MAST4: variants seen among roughly 807,000 people sequenced by gnomAD.
MAST4 encodes microtubule-associated serine/threonine-protein kinase 4.
Under a neutral mutation model 162.7 loss-of-function variants are expected in MAST4, and 89 were observed. That is an observed-to-expected ratio of 0.55 (90% CI 0.46 to 0.65). The LOEUF is 0.65. Ranked by LOEUF, MAST4 falls within the 30% of genes least tolerant of loss-of-function variation. MAST4 has a pLI of 0.00. For missense variants in MAST4, 3,153 were observed against 3,374.0 expected, an observed-to-expected ratio of 0.93 and a Z score of 1.62; for synonymous variants, 1,479 against 1,361.1, an observed-to-expected ratio of 1.09 and a Z score of -1.91.
chr5:67,115,696 G>T (rs1766813174), intron 12 of MAST4, among the ~76,000 whole-genome samples: 1 of 152,092 alleles, frequency 6.6e-6, no homozygotes, highest in African/African-American at 2.4e-5. Flanking sequence ...GATGTTTAAT[G>T]GTATTTAGAT....
chr5:66,924,693 T>G (rs1255575135), intron 4 of MAST4, among the ~76,000 whole-genome samples: 1 of 152,168 alleles, frequency 6.6e-6, no homozygotes, highest in African/African-American at 2.4e-5. Flanking sequence ...GCACTGGGCC[T>G]GTAGAAAATA....
chr5:66,860,730 C>A (rs1760043784), intron 3 of MAST4, among the ~76,000 whole-genome samples: 1 of 149,748 alleles, frequency 6.7e-6, no homozygotes, highest in African/African-American at 2.5e-5. Context: ...CAGCACTTCC[C>A]TCCCACCTCT....
In MAST4 at chr5:67,166,219, A is replaced by C. The variant is rs1347365328; in HGVS notation, c.7040A>C (p.Lys2347Thr). 1 of 1,552,268 alleles carries C rather than the reference A, an allele frequency of 6.4e-7. No homozygotes were observed. The highest frequency in any genetic ancestry group is 1.2e-5 in the South Asian group (1 of 84,152). ...STVKDCPTLC[K>T]QTDNRQTDKS... ...GTGAAAGATTGCCCCACCCTGTGCA[A>C]ACAGACAGACAACAGACAGACAGAC... The change falls in exon 29 of 29, where the codon AAA (lysine) becomes ACA (threonine). Residue 2347 changes from lysine (K) to threonine (T), a missense_variant. Physicochemically the swap from Lys to Thr is moderately conservative, Grantham distance 78 (BLOSUM62 -1). Coordinates refer to ENST00000403625, the MANE Select transcript of MAST4 (RefSeq NM_001164664.2).
intron 4 of MAST4, among the ~76,000 whole-genome samples, chr5:67,034,317 G>A (rs192965626): frequency 8.0e-4 from 122 of 152,266 alleles, no homozygotes; most frequent in African/African-American, 2.8e-3. Context: ...AACCTATATG[G>A]AAAAGGCTCA....
intron 3 of MAST4, among the ~76,000 whole-genome samples, chr5:66,819,013 C>T (rs532748121): frequency 2.4e-4 from 36 of 152,246 alleles, no homozygotes; most frequent in African/African-American, 7.2e-4. Flanking sequence ...TGCTAGAAGA[C>T]GGAGTTAATG....
At chr5:66,815,849 G>A (rs1025935779) in intron 3 of MAST4, among the ~76,000 whole-genome samples, 1 of 152,174 alleles carries the variant, frequency 6.6e-6, no homozygotes, top group East Asian at 1.9e-4. Flanking sequence ...CTTACCTGCT[G>A]TCCCAGAGGA....
chr5:66,636,197 C>T (rs1745111702), intron 1 of MAST4, among the ~76,000 whole-genome samples: 1 of 151,978 alleles, frequency 6.6e-6, no homozygotes, highest in South Asian at 2.1e-4. Context: ...ACCTTGTGAT[C>T]TGCCTGCCTC....
chr5:66,765,866 G>A (rs138279562), intron 2 of MAST4, among the ~76,000 whole-genome samples: 12 of 152,184 alleles, frequency 7.9e-5, no homozygotes, highest in African/African-American at 2.4e-4. Context: ...TTTTTGCAGG[G>A]CTGGCATTTA....
chr5:66,597,800 CTG>C (rs1742298591), intron 1 of MAST4, among the ~76,000 whole-genome samples: 1 of 152,086 alleles, frequency 6.6e-6, no homozygotes, highest in Admixed American at 6.5e-5. Flanking sequence ...GCATAGGACT[CTG>C]GTGTCCTTCT....
chr5:66,888,289 T>C (rs558187305), intron 3 of MAST4, among the ~76,000 whole-genome samples: 1 of 152,280 alleles, frequency 6.6e-6, no homozygotes, highest in African/African-American at 2.4e-5. Context: ...ATATTTTAAG[T>C]GTTGTTTTTG....
intron 1 of MAST4, among the ~76,000 whole-genome samples, chr5:66,758,672 GA>G (rs1753691457): frequency 1.3e-5 from 2 of 152,156 alleles, no homozygotes; most frequent in African/African-American, 4.8e-5. Context: ...ATACATCCAT[GA>G]TAATCTTCAC....
chr5:67,140,870 T>TG (rs1330051673), intron 19 of MAST4, among the ~76,000 whole-genome samples: 1 of 152,238 alleles, frequency 6.6e-6, no homozygotes, highest in Non-Finnish European at 1.5e-5. Context: ...GGATAGAATA[T>TG]GGGGTAAAGA....
intron 5 of MAST4, among the ~76,000 whole-genome samples, chr5:67,082,342 C>G (rs1007638507): frequency 6.6e-6 from 1 of 151,996 alleles, no homozygotes; most frequent in East Asian, 1.9e-4. Context: ...ACCATGTTGG[C>G]CAGGATGGTC....
At chr5:67,025,214 A>G (rs1754495295) in intron 4 of MAST4, among the ~76,000 whole-genome samples, 1 of 152,184 alleles carries the variant, frequency 6.6e-6, no homozygotes, top group Admixed American at 6.6e-5. Flanking sequence ...AGAGTCATGA[A>G]CACATTAAAA....
chr5:66,737,062 G>T (rs1334429629), intron 1 of MAST4, among the ~76,000 whole-genome samples: 1 of 152,318 alleles, frequency 6.6e-6, no homozygotes, highest in African/African-American at 2.4e-5. Context: ...TCCTGTGTAA[G>T]AAATTATCCC....
chr5:66,714,996 G>T (rs1750729617), intron 1 of MAST4, among the ~76,000 whole-genome samples: 1 of 152,226 alleles, frequency 6.6e-6, no homozygotes, highest in African/African-American at 2.4e-5. Context: ...ACAGATATGG[G>T]TTTATGCTAC....
intron 3 of MAST4, among the ~76,000 whole-genome samples, chr5:66,829,522 G>GA (rs1482320148): frequency 3.2e-4 from 48 of 152,112 alleles, no homozygotes; most frequent in African/African-American, 1.2e-3. Flanking sequence ...AGAAAACTTG[G>GA]AAAAAACAAC....
chr5:66,807,058 A>G (rs998149707), intron 3 of MAST4, among the ~76,000 whole-genome samples: 1 of 152,206 alleles, frequency 6.6e-6, no homozygotes, highest in Non-Finnish European at 1.5e-5. Context: ...TGGGTACATA[A>G]TAGGTGCATA....
At chr5:67,046,183 G>A (rs1183043548) in intron 4 of MAST4, among the ~76,000 whole-genome samples, 1 of 152,044 alleles carries the variant, frequency 6.6e-6, no homozygotes, top group East Asian at 1.9e-4. Context: ...CGCGCTCTGT[G>A]ATGTTTGCAT....
Sources: allele counts gnomAD v4.1 joint callset (sites outside exome capture counted in the v4.1 genomes callset), GRCh38; gene constraint gnomAD v4.1.1; transcripts MANE v1.5; gene names NCBI Gene and HGNC (gene_info 2026-07-23, HGNC 2026-07-21).